HGF: variants seen among roughly 807,000 people sequenced by gnomAD.
HGF encodes the protein hepatocyte growth factor.
Under a neutral mutation model 111.6 loss-of-function variants are expected in HGF, and 39 were observed. The ratio of observed to expected loss-of-function variants is 0.35; its 90% confidence interval spans 0.27 to 0.46. HGF has a LOEUF of 0.46. HGF is among the 20% of genes least tolerant of loss of function. HGF has a pLI of 1.00. For missense variants in HGF, 735 were observed against 910.5 expected, an observed-to-expected ratio of 0.81 and a Z score of 2.48; for synonymous variants, 285 against 294.8, an observed-to-expected ratio of 0.97 and a Z score of 0.34.
chr7:81,757,686 T>G (rs1352914523), intron 3 of HGF, among the ~76,000 whole-genome samples: 1 of 152,154 alleles, frequency 6.6e-6, no homozygotes, highest in East Asian at 1.9e-4. Context: ...AAAAGTTACC[T>G]AAGATAATTA....
chr7:81,714,370 T>C (rs576676822), intron 11 of HGF, among the ~76,000 whole-genome samples: 2 of 152,188 alleles, frequency 1.3e-5, no homozygotes, highest in East Asian at 3.9e-4. Context: ...AAAACAGAGA[T>C]GGAAGTTAAG....
At chr7:81,744,297 G>C (rs1360037692) in intron 6 of HGF, among the ~76,000 whole-genome samples, 2 of 96,376 alleles carry the variant, frequency 2.1e-5, no homozygotes, top group Non-Finnish European at 3.9e-5. Flanking sequence ...GGCAAAAGTA[G>C]ACATGATTTT....
intron 5 of HGF, among the ~76,000 whole-genome samples, chr7:81,749,265 TA>T (rs1562897876): frequency 6.6e-6 from 1 of 152,162 alleles, no homozygotes; most frequent in Admixed American, 6.5e-5. Context: ...ATGGCTTAAT[TA>T]AAATATATTT....
intron 9 of HGF, among the ~76,000 whole-genome samples, chr7:81,725,304 G>A (rs1435866779): frequency 1.3e-5 from 2 of 152,108 alleles, no homozygotes; most frequent in East Asian, 3.9e-4. Flanking sequence ...ACTAGCTATA[G>A]TGATGTGCTT....
At chr7:81,742,587 G>A (rs1455613740) in intron 7 of HGF, 5 of 564,386 alleles carry the variant, frequency 8.9e-6, no homozygotes, top group Non-Finnish European at 1.2e-5. Flanking sequence ...TGTATTCAAA[G>A]AAATGAAAAC....
intron 10 of HGF, among the ~76,000 whole-genome samples, chr7:81,720,385 A>C (rs2115866874): frequency 6.6e-6 from 1 of 152,322 alleles, no homozygotes; most frequent in East Asian, 1.9e-4. Context: ...CAGATTTGCC[A>C]CTTACTTATA....
chr7:81,738,154 A>C (rs1446074283), intron 7 of HGF, among the ~76,000 whole-genome samples: 2 of 152,104 alleles, frequency 1.3e-5, no homozygotes, highest in Non-Finnish European at 2.9e-5. Context: ...GTGACAAAAT[A>C]ATCTTTGCAA....
At chr7:81,751,316 C>T in intron 5 of HGF, 1 of 985,046 alleles carries the variant, frequency 1.0e-6, no homozygotes, top group African/African-American at 1.7e-5. Flanking sequence ...TTTAGAGTTT[C>T]TGACAGAACT....
intron 7 of HGF, among the ~76,000 whole-genome samples, chr7:81,736,418 A>G (rs1787827707): frequency 6.6e-6 from 1 of 152,024 alleles, no homozygotes; most frequent in Non-Finnish European, 1.5e-5. Flanking sequence ...ATTTTACTGA[A>G]CAATGGCCCC....
At chr7:81,752,471 A>G (rs1224945765) in intron 4 of HGF, among the ~76,000 whole-genome samples, 3 of 152,060 alleles carry the variant, frequency 2.0e-5, no homozygotes, top group African/African-American at 7.2e-5. Context: ...GAATTTCCAT[A>G]TTCACCATCA....
intron 5 of HGF, among the ~76,000 whole-genome samples, chr7:81,750,734 C>T (rs529246770): frequency 1.3e-5 from 2 of 152,164 alleles, no homozygotes; most frequent in South Asian, 4.1e-4. Flanking sequence ...CCTTTGAAAA[C>T]ACGTTTTCAG....
chr7:81,706,168 A>G, intron 15 of HGF, 119 bp downstream of exon 15: 1 of 851,150 alleles, frequency 1.2e-6, no homozygotes. Flanking sequence ...TATATACAGC[A>G]TGTAACATAT....
intron 11 of HGF, among the ~76,000 whole-genome samples, chr7:81,713,107 G>A (rs1324988151): frequency 2.0e-5 from 3 of 152,070 alleles, no homozygotes; most frequent in Non-Finnish European, 4.4e-5. Context: ...TATTTTGTGA[G>A]GAGAAAGACT....
chr7:81,748,536 A>C (rs1788365587), intron 5 of HGF, among the ~76,000 whole-genome samples: 1 of 152,196 alleles, frequency 6.6e-6, no homozygotes, highest in African/African-American at 2.4e-5. Context: ...TTCAGGTGAA[A>C]CCAAGTCCAT....
chr7:81,751,222 C>T, intron 5 of HGF: 1 of 954,952 alleles, frequency 1.0e-6, no homozygotes, highest in Non-Finnish European at 1.2e-6. Flanking sequence ...GACAGCATTC[C>T]AGTAGTCCCC....
At chr7:81,767,153 T>C (rs1384954766) in intron 1 of HGF, among the ~76,000 whole-genome samples, 1 of 152,196 alleles carries the variant, frequency 6.6e-6, no homozygotes, top group Middle Eastern at 3.2e-3. Flanking sequence ...GGTTTGATTC[T>C]CTATGCTGAA....
At chr7:81,724,651 G>T (rs182266106) in intron 9 of HGF, among the ~76,000 whole-genome samples, 1 of 152,230 alleles carries the variant, frequency 6.6e-6, no homozygotes, top group Non-Finnish European at 1.5e-5. Context: ...CCGGGGTTGG[G>T]TGCATAGATT....
intron 1 of HGF, among the ~76,000 whole-genome samples, chr7:81,763,624 A>G (rs1206453361): frequency 6.6e-6 from 1 of 152,170 alleles, no homozygotes; most frequent in African/African-American, 2.4e-5. Flanking sequence ...ATTCTAAAAG[A>G]CCTAATCTTA....
intron 7 of HGF, among the ~76,000 whole-genome samples, chr7:81,735,119 C>A (rs17427817): frequency 3.9e-5 from 6 of 151,958 alleles, no homozygotes; most frequent in Non-Finnish European, 7.4e-5. Context: ...GACCAGGATC[C>A]AGCTCATTAT....
Sources: gnomAD v4.1 joint callset for allele counts (sites outside exome capture counted in the v4.1 genomes callset) on GRCh38, gnomAD v4.1.1 for gene constraint, MANE v1.5 for transcripts, NCBI Gene and HGNC (gene_info 2026-07-23, HGNC 2026-07-21) for gene names.